FSTL5: variants seen among roughly 807,000 people sequenced by gnomAD.
The protein encoded by FSTL5 is follistatin like 5.
Under a neutral mutation model 89.1 loss-of-function variants are expected in FSTL5, and 62 were observed. That is an observed-to-expected ratio of 0.70 (90% CI 0.57 to 0.86). The LOEUF is 0.86. Ranked by LOEUF, FSTL5 falls within the 40% of genes least tolerant of loss-of-function variation. The probability of loss-of-function intolerance (pLI) is 0.00; values close to 1 mark genes in which losing one functional copy is unlikely to be tolerated. For synonymous variants in FSTL5, 383 were observed against 346.2 expected (o/e 1.11, Z -1.18); for missense variants, 1,057 against 1,001.6 (o/e 1.06, Z -0.75).
chr4:162,114,597 C>T (rs1470502649), intron 1 of FSTL5, among the ~76,000 whole-genome samples: 2 of 151,124 alleles, frequency 1.3e-5, no homozygotes, highest in South Asian at 4.2e-4. Context: ...ATATTTCATG[C>T]ATTATAAAAT....
At chr4:161,410,687 A>G (rs762757017) in intron 15 of FSTL5, among the ~76,000 whole-genome samples, 3 of 152,202 alleles carry the variant, frequency 2.0e-5, no homozygotes, top group Admixed American at 6.5e-5. Context: ...GCAAACAGAG[A>G]CACAACTTAT....
intron 4 of FSTL5, among the ~76,000 whole-genome samples, chr4:161,799,775 AACC>A (rs912335613): frequency 1.3e-5 from 2 of 151,732 alleles, no homozygotes; most frequent in African/African-American, 2.4e-5. Flanking sequence ...TTGAGTAAGT[AACC>A]AAAGATAAGT....
At chr4:161,663,226 C>G (rs111531067) in intron 6 of FSTL5, among the ~76,000 whole-genome samples, 6,529 of 152,138 alleles carry the variant, frequency 0.043, 446 homozygotes, top group African/African-American at 0.15. Flanking sequence ...ACCAATCATG[C>G]CTTCCCAACA....
At chr4:162,105,523 A>G (rs187681897) in intron 2 of FSTL5, among the ~76,000 whole-genome samples, 85 of 152,268 alleles carry the variant, frequency 5.6e-4, no homozygotes, top group Non-Finnish European at 6.9e-4. Context: ...TTATTCTTCA[A>G]TAGTTCTTGC....
In FSTL5 at chr4:162,111,301, G is replaced by C; in HGVS notation, c.96C>G (p.Ser32=). The C allele has an allele frequency of 1.2e-6, 2 of 1,611,290 alleles. No homozygotes were observed. Among genetic ancestry groups the C allele is most frequent in the African/African-American group, 2.7e-5 (2 of 74,944 alleles). Reference sequence around the variant, plus strand: ...GTCGCAATCTCATTAGAGGCTGATAGGATTTAAGGCCATATCCTCCTTCTT... The same window carrying C: ...GTCGCAATCTCATTAGAGGCTGATACGATTTAAGGCCATATCCTCCTTCTT... ...PTKEGGYGLK[S]YQPLMRLRHK... Residue 32 remains serine, a synonymous_variant, in exon 2 of 16, where the codon TCC becomes TCG. Coordinates refer to ENST00000306100, the MANE Select transcript of FSTL5 (RefSeq NM_020116.5).
At chr4:161,589,670 C>T (rs1231873756) in intron 7 of FSTL5, among the ~76,000 whole-genome samples, 1 of 152,008 alleles carries the variant, frequency 6.6e-6, no homozygotes, top group African/African-American at 2.4e-5. Flanking sequence ...CGCATTACAA[C>T]TTTCTGCAAC....
At chr4:161,606,712 G>C (rs1407073280) in intron 7 of FSTL5, among the ~76,000 whole-genome samples, 1 of 152,040 alleles carries the variant, frequency 6.6e-6, no homozygotes, top group Non-Finnish European at 1.5e-5. Context: ...TTGGAAAATT[G>C]AATTAAGAAC....
At chr4:161,947,911 TTC>T (rs1491249250) in intron 3 of FSTL5, among the ~76,000 whole-genome samples, 1 of 146,200 alleles carries the variant, frequency 6.8e-6, no homozygotes, top group African/African-American at 2.6e-5. Flanking sequence ...TTAACAGCTT[TTC>T]TTATATTTAG....
intron 15 of FSTL5, among the ~76,000 whole-genome samples, chr4:161,410,238 CTT>C (rs1731541098): frequency 6.6e-6 from 1 of 152,192 alleles, no homozygotes; most frequent in Admixed American, 6.5e-5. Context: ...ACAAGATACT[CTT>C]TGCCTATGAA....
rs1208622468 is a variant in FSTL5, at chr4:161,386,039, G to A, written c.2252C>T (p.Ala751Val). 6.2e-7 allele frequency: 1 copy of A among 1,614,028 alleles called. No homozygotes were observed. Among genetic ancestry groups the A allele is most frequent in the Admixed American group, 1.7e-5 (1 of 60,000 alleles). ...DLAFQPSFTE[A>V]HQYNIYGSSS... ...ACTACCGTAGATGTTATATTGGTGG[G>A]CTTCAGTAAAGGATGGTTGAAATGC... is the stretch of plus-strand genomic sequence containing the variant. The change falls in exon 16 of 16, where the codon GCC (alanine) becomes GTC (valine). Residue 751 changes from alanine to valine, a missense_variant. By Grantham distance (64) the Ala-to-Val change is moderately conservative (BLOSUM62 0). Transcript: ENST00000306100.
At position 162,026,275 on chromosome 4, in the gene FSTL5, A is replaced by G. The variant is rs578029226; in HGVS notation, c.160+7350T>C. 8.4e-4 allele frequency among the ~76,000 whole-genome samples: 119 copies of G among 141,580 alleles called. No homozygotes were observed. In the South Asian group the frequency reaches 0.026, roughly 31 times the overall value. 92.9% of individuals were successfully genotyped at this position (141,580 alleles called of 152,430 possible). A position where few individuals can be genotyped will look rare whatever the true frequency, so the allele number is the denominator to read the frequency against. On this transcript the variant is annotated intron_variant, in intron 3 of 15. Coordinates refer to ENST00000306100, the MANE Select transcript of FSTL5 (RefSeq NM_020116.5). Reference sequence around the variant, plus strand: ...GATATTTCTTCAAACATGACATTCAATTATTTCAGGAGACAGCTTATGTAT... The same window carrying G: ...GATATTTCTTCAAACATGACATTCAGTTATTTCAGGAGACAGCTTATGTAT...
rs1010831059 is a variant in FSTL5, at chr4:161,701,095, C to T, written c.728-44601G>A. Among the ~76,000 whole-genome samples, 3 of 152,064 alleles carry T rather than the reference C, an allele frequency of 2.0e-5. No individual in the cohort carries two copies. In the East Asian group the frequency reaches 5.8e-4, roughly 29 times the overall value. On this transcript the variant is annotated intron_variant, in intron 6 of 15. Transcript: ENST00000306100. ...TGTCTCTTTAGAATAGAAATTAAAA[C>T]TGAATTAAGCTTTTATTCTTTTTGT...
At chr4:161,895,610 T>C (rs575743607) in intron 4 of FSTL5, among the ~76,000 whole-genome samples, 2 of 152,152 alleles carry the variant, frequency 1.3e-5, no homozygotes, top group Non-Finnish European at 2.9e-5. Context: ...ATGAATGATA[T>C]GTCATGGCAG....
At chr4:161,579,438 C>T (rs1419459546) in intron 8 of FSTL5, among the ~76,000 whole-genome samples, 5 of 152,042 alleles carry the variant, frequency 3.3e-5, no homozygotes, top group African/African-American at 9.7e-5. Context: ...ATGAATGAGG[C>T]TGGGCACGGT....
intron 3 of FSTL5, among the ~76,000 whole-genome samples, chr4:161,993,929 C>T (rs901028995): frequency 3.9e-5 from 6 of 151,964 alleles, no homozygotes; most frequent in African/African-American, 1.4e-4. Context: ...TGAGGGTACA[C>T]GTGGAGGTTT....
intron 4 of FSTL5, among the ~76,000 whole-genome samples, chr4:161,828,243 GGT>G (rs1333338840): frequency 6.6e-6 from 1 of 152,098 alleles, no homozygotes; most frequent in African/African-American, 2.4e-5. Context: ...CTGCAGTGAG[GGT>G]GTGTGTCTGG....
intron 1 of FSTL5, among the ~76,000 whole-genome samples, chr4:162,145,203 A>G (rs1299349311): frequency 6.6e-6 from 1 of 152,016 alleles, no homozygotes; most frequent in Non-Finnish European, 1.5e-5. Context: ...CATATAAAAT[A>G]TGAGAATTTA....
At chr4:161,931,655 T>G (rs889626142) in intron 3 of FSTL5, among the ~76,000 whole-genome samples, 8 of 151,910 alleles carry the variant, frequency 5.3e-5, no homozygotes, top group African/African-American at 1.9e-4. Flanking sequence ...ATGAATAAAC[T>G]GGTGGTCACA....
At chr4:161,712,274 A>C (rs1341931150) in intron 6 of FSTL5, among the ~76,000 whole-genome samples, 1 of 152,176 alleles carries the variant, frequency 6.6e-6, no homozygotes, top group Non-Finnish European at 1.5e-5. Context: ...TATGTAAATT[A>C]AATATTAATA....
Sources: gnomAD v4.1 joint callset for allele counts (sites outside exome capture counted in the v4.1 genomes callset) on GRCh38, gnomAD v4.1.1 for gene constraint, MANE v1.5 for transcripts, NCBI Gene and HGNC (gene_info 2026-07-23, HGNC 2026-07-21) for gene names.